The following CYP4F12 variants were observed in gnomAD, a reference collection of about 807,000 sequenced individuals.
CYP4F12 encodes the protein cytochrome P450 family 4 subfamily F member 12, also known as cytochrome P450 4F12.
CYP4F12 carries 60 observed loss-of-function variants against 56.5 expected under a neutral mutation model. The ratio of observed to expected loss-of-function variants is 1.06; its 90% CI spans 0.86 to 1.32. The LOEUF is 1.32. Among genes scored for constraint, CYP4F12 ranks in the 40% most tolerant of loss-of-function variants. The pLI is 0.00. For synonymous variants in CYP4F12, 263 were observed against 264.9 expected (o/e 0.99, Z 0.07); for missense variants, 711 against 683.5 (o/e 1.04, Z -0.45).
At chr19:15,673,321 C>T (rs77968824) in intron 1 of CYP4F12, 186 bp downstream of exon 1, 3 of 599,268 alleles carry the variant, frequency 5.0e-6, no homozygotes, top group Non-Finnish European at 9.0e-6. Flanking sequence ...ATCTCTTTCC[C>T]TTTCTGTGTG....
intron 9 of CYP4F12, among the ~76,000 whole-genome samples, chr19:15,687,399 C>A (rs553541092): frequency 1.3e-3 from 194 of 152,280 alleles, no homozygotes; most frequent in African/African-American, 4.5e-3. Context: ...ACACAGACTT[C>A]TTCTATACAA....
chr19:15,677,203 C>T lies in CYP4F12; in HGVS notation c.199-1058C>T, dbSNP rs1211556562. On this transcript the variant is annotated intron_variant, in intron 2 of 12. Transcript: ENST00000550308. ...TTCCAATACCAACTCACTCATTCCTCTCCTCACTTACTCATTCCTCTACCC... is the reference window on the plus strand; with the variant it reads ...TTCCAATACCAACTCACTCATTCCTTTCCTCACTTACTCATTCCTCTACCC... Among the ~76,000 whole-genome samples the T allele has an allele frequency of 2.2e-5, 3 of 133,490 alleles. 1 individual carries two copies. Among genetic ancestry groups the T allele is most frequent in the Non-Finnish European group, 3.2e-5 (2 of 62,194 alleles). The allele number at this position is 133,490 out of a possible 152,430, so 87.6% of individuals were successfully genotyped here.
Position 15,695,935 on chromosome 19 carries a change from G to T in CYP4F12, c.1116-1G>T. 6.2e-7 allele frequency: 1 copy of T among 1,612,354 alleles called. No homozygotes were observed. ...TGACTGGGGCTGGGGTGTTTCCTTA[G>T]GGACGACCTGGCCCAGCTGCCCTTC... On this transcript the variant is annotated splice_acceptor_variant, in intron 9 of 12. Coordinates refer to ENST00000550308, the MANE Select transcript of CYP4F12 (RefSeq NM_023944.4). LOFTEE classifies it high-confidence loss of function.
chr19:15,679,048 C>G (rs1342346194), intron 3 of CYP4F12, among the ~76,000 whole-genome samples: 2 of 152,154 alleles, frequency 1.3e-5, no homozygotes, highest in African/African-American at 4.8e-5. Context: ...GAACCCACAC[C>G]AGCTGCTTGA....
intron 12 of CYP4F12, 46 bp downstream of exon 12, chr19:15,696,558 G>A: frequency 6.3e-7 from 1 of 1,577,794 alleles, no homozygotes; most frequent in African/African-American, 1.4e-5. Flanking sequence ...GATGGGTGCG[G>A]GAGTTAAAAA....
At chr19:15,688,050 C>T (rs1207211465) in intron 9 of CYP4F12, among the ~76,000 whole-genome samples, 1 of 151,944 alleles carries the variant, frequency 6.6e-6, no homozygotes, top group Non-Finnish European at 1.5e-5. Context: ...TGGACAGGGA[C>T]AAAAAAGGAC....
chr19:15,695,526 T>A (rs1290835658), intron 9 of CYP4F12, among the ~76,000 whole-genome samples: 1 of 151,792 alleles, frequency 6.6e-6, no homozygotes. Flanking sequence ...ACAAATTGCA[T>A]GACTCTCCTT....
chr19:15,688,142 T>C (rs778245863), intron 9 of CYP4F12, among the ~76,000 whole-genome samples: 3 of 152,062 alleles, frequency 2.0e-5, no homozygotes, highest in Non-Finnish European at 4.4e-5. Flanking sequence ...ACTGCCTGGA[T>C]CTAAATCCAG....
Position 15,673,643 on chromosome 19 carries a change from C to T in CYP4F12, c.114C>T (p.Thr38=), listed in dbSNP as rs752702593. 7.4e-6 allele frequency: 12 copies of T among 1,614,172 alleles called. No homozygotes were observed. The East Asian group carries it at 2.7e-4, about 36-fold the overall frequency. Residue 38 remains threonine (T), a synonymous_variant, in exon 2 of 13, where the codon ACC becomes ACT. Transcript: ENST00000550308. ...TACTCGCCCGCATCCTGGCTTGGAC[C>T]TATGCCTTCTATAACAACTGCCGCC... ...SWLLARILAW[T]YAFYNNCRRL...
chr19:15,696,241 T>G lies in CYP4F12; in HGVS notation c.1314+16T>G, dbSNP rs1276552287. The G allele has an allele frequency of 3.7e-6, 6 of 1,613,788 alleles. No individual in the cohort carries two copies. The highest frequency in any genetic ancestry group is 1.3e-5 in the African/African-American group (1 of 74,866). The stretch of plus-strand genomic sequence containing the variant: ...GGATCCTGAGGTGCTGCCTTCCCCA[T>G]TCACCACCACCACCCCCATCCTCTA... On this transcript the variant is annotated intron_variant, in intron 11 of 12. Transcript: ENST00000550308.
chr19:15,681,144 A>G (rs1315459224), intron 5 of CYP4F12: 6 of 164,328 alleles, frequency 3.7e-5, no homozygotes, highest in Admixed American at 5.7e-5. Context: ...TGTCTCTGCA[A>G]TACTTCAAAG....
intron 5 of CYP4F12, 130 bp from the exon 6 acceptor site, chr19:15,682,259 G>T: frequency 7.6e-7 from 1 of 1,312,734 alleles, no homozygotes; most frequent in Non-Finnish European, 1.0e-6. Context: ...TCTGGTCCTC[G>T]CTGGCAATGG....
chr19:15,692,616 A>G (rs1037403663), intron 9 of CYP4F12, among the ~76,000 whole-genome samples: 2 of 152,172 alleles, frequency 1.3e-5, no homozygotes, highest in Non-Finnish European at 2.9e-5. Flanking sequence ...TTGTTCTCAT[A>G]TCTTATGACA....
chr19:15,684,756 T>TTGTGTGTGTGTGTGTG lies in CYP4F12; in HGVS notation c.919-32_919-17dup, dbSNP rs3063212. 253 of 1,044,614 alleles carry TTGTGTGTGTGTGTGTG rather than the reference T, an allele frequency of 2.4e-4. No individual in the cohort carries two copies. In the African/African-American group the frequency reaches 3.2e-3, roughly 13 times the overall value. The allele number at this position is 1,044,614 out of a possible 1,614,324, so 64.7% of individuals were successfully genotyped here. A position where few individuals can be genotyped will look rare whatever the true frequency, so the allele number is the denominator to read the frequency against. On this transcript the variant is annotated intron_variant, in intron 7 of 12. Coordinates refer to ENST00000550308, the MANE Select transcript of CYP4F12 (RefSeq NM_023944.4). ...TCCGGAGTCTCAGAGATAGTATAAT[T>TTGTGTGTGTGTGTGTG]TGTGTGTGTGTGTGTGTGTGTGTGT... is the stretch of plus-strand genomic sequence containing the variant.
chr19:15,683,058 G>C (rs2007392068), intron 6 of CYP4F12, among the ~76,000 whole-genome samples: 1 of 151,320 alleles, frequency 6.6e-6, no homozygotes, highest in Non-Finnish European at 1.5e-5. Context: ...CTTACAGGGT[G>C]AAAGAGAGAG....
At chr19:15,682,643 G>A in intron 6 of CYP4F12, 133 bp downstream of exon 6, 1 of 1,376,478 alleles carries the variant, frequency 7.3e-7, no homozygotes, top group Non-Finnish European at 1.0e-6. Context: ...TGAAGGTCGA[G>A]GAAGAGGAGA....
At chr19:15,695,503 TAAAA>T (rs71176772) in intron 9 of CYP4F12, among the ~76,000 whole-genome samples, 1 of 112,654 alleles carries the variant, frequency 8.9e-6, no homozygotes, top group Non-Finnish European at 1.8e-5. Flanking sequence ...ATAATAATAA[TAAAA>T]AAAAAAAAAC....
rs1599934512 is a variant in CYP4F12 at position 15,673,516 on chromosome 19, C to A, written c.-1-13C>A. The A allele has an allele frequency of 6.2e-7, 1 of 1,612,146 alleles. No individual in the cohort carries two copies. The highest frequency in any genetic ancestry group is 8.5e-7 in the Non-Finnish European group (1 of 1,179,602). ...GCCTCAGGTCCTCACCCTGCATCCCCTCTGCCCTGCAGGATGTCGCTGCTG... is the reference window on the plus strand; with the variant it reads ...GCCTCAGGTCCTCACCCTGCATCCCATCTGCCCTGCAGGATGTCGCTGCTG... On this transcript the variant is annotated splice_polypyrimidine_tract_variant and intron_variant, in intron 1 of 12. Transcript: ENST00000550308.
At chr19:15,674,689 C>CCGCATTCACTCATTCCTCTT (rs1555747494) in intron 2 of CYP4F12, among the ~76,000 whole-genome samples, 2 of 135,278 alleles carry the variant, frequency 1.5e-5, no homozygotes, top group African/African-American at 2.7e-5. Context: ...TCATTCCTCT[C>CCGCATTCACTCATTCCTCTT]CTCATTCACT....
Sources: allele counts gnomAD v4.1 joint callset (sites outside exome capture counted in the v4.1 genomes callset), GRCh38; gene constraint gnomAD v4.1.1; transcripts MANE v1.5; gene names NCBI Gene and HGNC (gene_info 2026-07-23, HGNC 2026-07-21).